CSMD1: variants seen among roughly 807,000 people sequenced by gnomAD.
The protein encoded by CSMD1 is CUB and sushi domain-containing protein 1.
A neutral mutation model predicts 417.5 loss-of-function variants in CSMD1; 213 were observed. The observed-to-expected ratio is 0.51, with a 90% CI of 0.46 to 0.57. CSMD1 has a LOEUF of 0.57. Among genes scored for constraint, CSMD1 ranks in the 20% least tolerant of loss-of-function variants. The pLI, the probability that CSMD1 is intolerant of heterozygous loss-of-function variation, is 0.00. For missense variants in CSMD1, 6,923 were observed against 4,529.7 expected (o/e 1.53, Z -15.17); for synonymous variants, 2,862 against 1,736.8 (o/e 1.65, Z -16.11).
intron 2 of CSMD1, among the ~76,000 whole-genome samples, chr8:4,556,616 G>C (rs1368142394): frequency 6.6e-6 from 1 of 152,140 alleles, no homozygotes; most frequent in East Asian, 1.9e-4. Flanking sequence ...AAATAATCCT[G>C]TTCATTTTTT....
intron 3 of CSMD1, among the ~76,000 whole-genome samples, chr8:4,270,984 G>A (rs1008007668): frequency 2.6e-5 from 4 of 152,188 alleles, no homozygotes; most frequent in African/African-American, 9.7e-5. Flanking sequence ...ACTCTTTACT[G>A]AGATTGCATT....
chr8:3,297,667 G>C (rs904874226), intron 25 of CSMD1, among the ~76,000 whole-genome samples: 1 of 152,186 alleles, frequency 6.6e-6, no homozygotes, highest in African/African-American at 2.4e-5. Context: ...CAGTGGAATA[G>C]AGATGTAAAT....
chr8:2,947,920 T>G (rs2128917285), intron 68 of CSMD1, among the ~76,000 whole-genome samples: 1 of 149,760 alleles, frequency 6.7e-6, no homozygotes, highest in South Asian at 2.1e-4. Context: ...ATTTTATGAT[T>G]AATTATCCTT....
intron 5 of CSMD1, among the ~76,000 whole-genome samples, chr8:3,926,057 C>CACACACACACACACACACAAACACCATAT: frequency 1.7e-5 from 1 of 59,836 alleles, no homozygotes; most frequent in African/African-American, 7.0e-5. Context: ...ACCATATACA[C>CACACACACACACACACACAAACACCATAT]ACACACACAC....
intron 3 of CSMD1, among the ~76,000 whole-genome samples, chr8:4,192,360 T>C (rs548006487): frequency 6.6e-6 from 1 of 152,284 alleles, no homozygotes; most frequent in Non-Finnish European, 1.5e-5. Context: ...TTCTTGGATG[T>C]CTTAGAGACT....
chr8:3,250,665 G>A (rs376653225), intron 26 of CSMD1, among the ~76,000 whole-genome samples: 5 of 152,150 alleles, frequency 3.3e-5, no homozygotes, highest in East Asian at 1.9e-4. Context: ...ACTAGTTTAT[G>A]GTCCCACCAA....
intron 12 of CSMD1, among the ~76,000 whole-genome samples, chr8:3,416,964 T>A (rs1306226145): frequency 1.3e-5 from 2 of 152,252 alleles, no homozygotes; most frequent in African/African-American, 4.8e-5. Flanking sequence ...TGAACAGCAA[T>A]TTCTCTAAAT....
intron 3 of CSMD1, among the ~76,000 whole-genome samples, chr8:4,216,899 T>A (rs958676995): frequency 5.3e-5 from 8 of 152,180 alleles, no homozygotes; most frequent in Non-Finnish European, 7.4e-5. Flanking sequence ...CTTGCCCAGT[T>A]TTGATTTCCA....
At chr8:4,596,586 G>T (rs1162937167) in intron 2 of CSMD1, among the ~76,000 whole-genome samples, 1 of 151,980 alleles carries the variant, frequency 6.6e-6, no homozygotes, top group Non-Finnish European at 1.5e-5. Flanking sequence ...AATCTCTGAA[G>T]TGCATATATT....
chr8:4,923,469 T>C (rs941300105), intron 1 of CSMD1, among the ~76,000 whole-genome samples: 1 of 152,222 alleles, frequency 6.6e-6, no homozygotes, highest in African/African-American at 2.4e-5. Context: ...ATTACATGCC[T>C]GTGTCAAAAC....
chr8:4,230,503 C>A (rs1801655981), intron 3 of CSMD1, among the ~76,000 whole-genome samples: 1 of 152,140 alleles, frequency 6.6e-6, no homozygotes, highest in Non-Finnish European at 1.5e-5. Flanking sequence ...ATAATGGTTA[C>A]TGTCCTTTCC....
At chr8:3,703,767 T>A (rs1236973184) in intron 7 of CSMD1, among the ~76,000 whole-genome samples, 1 of 152,120 alleles carries the variant, frequency 6.6e-6, no homozygotes, top group African/African-American at 2.4e-5. Flanking sequence ...AGCTATTACA[T>A]ACCTGTATAA....
Position 4,460,037 on chromosome 8 carries a change from G to A in CSMD1, c.303-39972C>T, listed in dbSNP as rs186830522. On this transcript the variant is annotated intron_variant, in intron 2 of 69. Transcript: ENST00000635120. ...CAACTGGAATGAACAGACATCTACA[G>A]AACATTCCAGCCAATAACAGAATAT... Among the ~76,000 whole-genome samples, 811 of 152,216 alleles carry A rather than the reference G, an allele frequency of 5.3e-3. 3 individuals carry two copies. Among genetic ancestry groups the A allele is most frequent in the Non-Finnish European group, 8.5e-3 (575 of 68,016 alleles).
chr8:3,420,538 C>T (rs73657893), intron 12 of CSMD1, among the ~76,000 whole-genome samples: 2,106 of 149,522 alleles, frequency 0.014, 57 homozygotes, highest in African/African-American at 0.048. Flanking sequence ...GGGAAACTGG[C>T]TGTGGGGTGG....
In CSMD1 at chr8:4,349,179, G is replaced by C. The variant is rs192275145; in HGVS notation, c.415+70774C>G. ...ATGTGCTTTTGGTGTAATTTCATCA[G>C]AGAACTAAGTGAAGATTTTAATCAG... On this transcript the variant is annotated intron_variant, in intron 3 of 69. Transcript: ENST00000635120. Among the ~76,000 whole-genome samples the C allele has an allele frequency of 3.5e-4, 54 of 152,320 alleles. No homozygotes were observed. In the East Asian group the frequency reaches 4.6e-3, roughly 13 times the overall value.
chr8:4,574,574 T>C (rs768044716), intron 2 of CSMD1, among the ~76,000 whole-genome samples: 6 of 152,196 alleles, frequency 3.9e-5, no homozygotes, highest in African/African-American at 9.6e-5. Flanking sequence ...TATTCGGTCA[T>C]CTTGCTGAGT....
At position 4,856,193 on chromosome 8, in the gene CSMD1, C is replaced by G. The variant is rs1010950210; in HGVS notation, c.85+138139G>C. ...TTCATAAGTGAAGGAGAAATAAAAT[C>G]CTTTGCAGACAAGCAAATGCTGAGA... On this transcript the variant is annotated intron_variant, in intron 1 of 69. Coordinates refer to ENST00000635120, the MANE Select transcript of CSMD1 (RefSeq NM_033225.6). Among the ~76,000 whole-genome samples the G allele has an allele frequency of 1.5e-4, 14 of 91,236 alleles. 1 individual carries two copies. Among genetic ancestry groups the G allele is most frequent in the Non-Finnish European group, 2.7e-4 (11 of 41,372 alleles). The allele number at this position is 91,236 out of a possible 152,430, so 59.9% of individuals were successfully genotyped here.
At chr8:4,788,352 A>G in intron 1 of CSMD1, 3 of 1,506,302 alleles carry the variant, frequency 2.0e-6, no homozygotes, top group Non-Finnish European at 1.8e-6. Context: ...ATATCCAGTT[A>G]TCACCTGTCC....
At chr8:4,642,903 G>A (rs932038616) in intron 1 of CSMD1, among the ~76,000 whole-genome samples, 3 of 152,184 alleles carry the variant, frequency 2.0e-5, no homozygotes, top group African/African-American at 7.2e-5. Context: ...TGTATGTGGA[G>A]ACAGCCATGC....
Sources: allele counts gnomAD v4.1 joint callset (sites outside exome capture counted in the v4.1 genomes callset), GRCh38; gene constraint gnomAD v4.1.1; transcripts MANE v1.5; gene names NCBI Gene and HGNC (gene_info 2026-07-23, HGNC 2026-07-21).